Variants in SNTG1 observed in about 807,000 individuals in gnomAD.
SNTG1 encodes the protein gamma-1-syntrophin.
In SNTG1, 39 loss-of-function variants were observed where a neutral mutation model predicts 74.7. That is an observed-to-expected ratio of 0.52 (90% CI 0.40 to 0.68). The LOEUF is 0.68. SNTG1 is among the 30% of genes least tolerant of loss of function. The pLI is 0.00. For missense variants in SNTG1, 685 were observed against 609.5 expected (o/e 1.12, Z -1.30); for synonymous variants, 254 against 217.1 (o/e 1.17, Z -1.49).
In SNTG1 at chr8:50,129,692, G is replaced by C. The variant is rs371946518; in HGVS notation, c.-102-42869G>C. ...CACATTATAGGTTCCTCAAGATTAA[G>C]AACAACCAAACATGACTTCAATCTC... On this transcript the variant is annotated intron_variant, in intron 1 of 18. Coordinates refer to ENST00000642720, the MANE Select transcript of SNTG1 (RefSeq NM_018967.5). 1.0e-3 allele frequency among the ~76,000 whole-genome samples: 153 copies of C among 152,104 alleles called. 2 individuals carry two copies. The highest frequency in any genetic ancestry group is 3.6e-3 in the African/African-American group (151 of 41,492).
intron 10 of SNTG1, among the ~76,000 whole-genome samples, chr8:50,531,462 C>T (rs1277620764): frequency 6.6e-6 from 1 of 151,992 alleles, no homozygotes; most frequent in African/African-American, 2.4e-5. Flanking sequence ...AGATATACAA[C>T]CAAATTTTTT....
intron 17 of SNTG1, among the ~76,000 whole-genome samples, chr8:50,711,240 C>G (rs550880028): frequency 6.6e-6 from 1 of 152,194 alleles, no homozygotes; most frequent in East Asian, 1.9e-4. Flanking sequence ...TAAATAATAT[C>G]TAGTTATTTT....
intron 2 of SNTG1, among the ~76,000 whole-genome samples, chr8:50,253,951 A>G (rs919488743): frequency 1.4e-4 from 21 of 152,228 alleles, no homozygotes; most frequent in Middle Eastern, 3.4e-3. Flanking sequence ...ACCATTGATA[A>G]TTACAAGGAA....
intron 11 of SNTG1, among the ~76,000 whole-genome samples, chr8:50,546,653 G>A (rs2930096): frequency 0.22 from 32,956 of 151,438 alleles, 4,681 homozygotes; most frequent in African/African-American, 0.4. Context: ...TGTCCTTGTG[G>A]TAGTTTGCTG....
chr8:50,335,844 T>TA (rs1228976607), intron 2 of SNTG1, among the ~76,000 whole-genome samples: 18 of 151,226 alleles, frequency 1.2e-4, no homozygotes, highest in Admixed American at 1.2e-3. Flanking sequence ...TATTTTATTT[T>TA]ATTTTATTTT....
intron 8 of SNTG1, among the ~76,000 whole-genome samples, chr8:50,489,142 G>T (rs1472247274): frequency 6.6e-6 from 1 of 152,226 alleles, no homozygotes; most frequent in African/African-American, 2.4e-5. Flanking sequence ...ATTCCATGGT[G>T]TATATGTGCC....
At chr8:50,223,398 A>G (rs548849354) in intron 2 of SNTG1, among the ~76,000 whole-genome samples, 6 of 152,158 alleles carry the variant, frequency 3.9e-5, no homozygotes, top group Non-Finnish European at 7.4e-5. Flanking sequence ...ATGCAATTTT[A>G]ATCAAATACA....
At chr8:50,335,532 G>A (rs902617100) in intron 2 of SNTG1, among the ~76,000 whole-genome samples, 2 of 152,144 alleles carry the variant, frequency 1.3e-5, no homozygotes, top group African/African-American at 2.4e-5. Context: ...GTACTTAGAA[G>A]TCTCTTTCTG....
In SNTG1 at chr8:50,476,078, C is replaced by T. The variant is rs551061451; in HGVS notation, c.363+25349C>T. ...GTATACACTACCCACCCGTTAGACA[C>T]TTAGTAGCCATCTTCATTATCAAAT... On this transcript the variant is annotated intron_variant, in intron 8 of 18. Coordinates refer to ENST00000642720, the MANE Select transcript of SNTG1 (RefSeq NM_018967.5). Among the ~76,000 whole-genome samples the T allele has an allele frequency of 2.6e-5, 4 of 152,264 alleles. No homozygotes were observed. In the South Asian group the frequency reaches 8.3e-4, roughly 32 times the overall value.
At chr8:50,190,906 T>C (rs919698557) in intron 2 of SNTG1, among the ~76,000 whole-genome samples, 3 of 152,104 alleles carry the variant, frequency 2.0e-5, no homozygotes, top group African/African-American at 4.8e-5. Context: ...GACACGACAA[T>C]AAGAATAAAT....
At chr8:50,325,032 C>CAAT (rs939445035) in intron 2 of SNTG1, among the ~76,000 whole-genome samples, 9 of 130,880 alleles carry the variant, frequency 6.9e-5, no homozygotes. Context: ...ACAGATAGAT[C>CAAT]AATAGAACAG....
At chr8:50,528,373 T>G (rs2094239232) in intron 9 of SNTG1, among the ~76,000 whole-genome samples, 1 of 151,970 alleles carries the variant, frequency 6.6e-6, no homozygotes, top group East Asian at 1.9e-4. Context: ...TGATGGTGAA[T>G]TTTCTCAAAT....
intron 2 of SNTG1, among the ~76,000 whole-genome samples, chr8:50,193,347 C>T (rs940523107): frequency 2.0e-5 from 3 of 151,908 alleles, no homozygotes; most frequent in Admixed American, 1.3e-4. Flanking sequence ...TGTAGTTTTC[C>T]TCATAGAAGT....
intron 1 of SNTG1, among the ~76,000 whole-genome samples, chr8:50,004,962 CTGT>C (rs1466766599): frequency 6.6e-6 from 1 of 152,180 alleles, no homozygotes; most frequent in Non-Finnish European, 1.5e-5. Context: ...ACCTCCCTGA[CTGT>C]TGATTTCCAT....
intron 12 of SNTG1, among the ~76,000 whole-genome samples, chr8:50,572,544 G>T (rs977670497): frequency 9.2e-5 from 14 of 152,110 alleles, no homozygotes; most frequent in African/African-American, 2.7e-4. Context: ...TTGATTTACT[G>T]TTAATGGATA....
At chr8:50,471,200 G>C (rs1213185000) in intron 8 of SNTG1, among the ~76,000 whole-genome samples, 1 of 151,530 alleles carries the variant, frequency 6.6e-6, no homozygotes, top group Non-Finnish European at 1.5e-5. Context: ...CCAGGTGTCA[G>C]CCGTGGTAGA....
intron 1 of SNTG1, among the ~76,000 whole-genome samples, chr8:50,079,806 T>G (rs1263812586): frequency 1.3e-5 from 2 of 152,204 alleles, no homozygotes; most frequent in Non-Finnish European, 2.9e-5. Context: ...CCAGCATGAT[T>G]TATTAAATAG....
At chr8:50,693,974 G>C (rs746613403) in intron 15 of SNTG1, among the ~76,000 whole-genome samples, 2 of 152,028 alleles carry the variant, frequency 1.3e-5, no homozygotes, top group Non-Finnish European at 2.9e-5. Flanking sequence ...TTATAGGGAA[G>C]TTTATATCAA....
chr8:50,009,899 T>C (rs936803022), intron 1 of SNTG1, among the ~76,000 whole-genome samples: 1 of 152,148 alleles, frequency 6.6e-6, no homozygotes, highest in Non-Finnish European at 1.5e-5. Flanking sequence ...CTCAGGAGGC[T>C]GACGCAGAAT....
Sources: gnomAD v4.1 joint callset for allele counts (sites outside exome capture counted in the v4.1 genomes callset) on GRCh38, gnomAD v4.1.1 for gene constraint, MANE v1.5 for transcripts, NCBI Gene and HGNC (gene_info 2026-07-23, HGNC 2026-07-21) for gene names.